The following DGKI variants were observed in gnomAD, a reference collection of about 807,000 sequenced individuals.
DGKI encodes the protein DAG kinase iota.
A neutral mutation model predicts 147.5 loss-of-function variants in DGKI; 55 were observed. The ratio of observed to expected loss-of-function variants is 0.37; its 90% CI spans 0.30 to 0.47. DGKI has a LOEUF of 0.47. DGKI is among the 20% of genes least tolerant of loss of function. DGKI has a pLI of 1.00. For missense variants in DGKI, 1,007 were observed against 1,323.8 expected, an observed-to-expected ratio of 0.76 and a Z score of 3.71; for synonymous variants, 469 against 477.1, an observed-to-expected ratio of 0.98 and a Z score of 0.22.
intron 1 of DGKI, among the ~76,000 whole-genome samples, chr7:137,733,446 T>C (rs1026572209): frequency 6.6e-6 from 1 of 152,134 alleles, no homozygotes; most frequent in Non-Finnish European, 1.5e-5. Context: ...GGCCAAATAG[T>C]ATTCCATTGT....
intron 31 of DGKI, among the ~76,000 whole-genome samples, chr7:137,396,676 C>T (rs1388347018): frequency 6.6e-6 from 1 of 152,198 alleles, no homozygotes; most frequent in African/African-American, 2.4e-5. Context: ...CTTAGCTACT[C>T]ACCACCTCAT....
intron 2 of DGKI, among the ~76,000 whole-genome samples, chr7:137,682,104 A>T (rs1414492823): frequency 2.6e-5 from 4 of 152,068 alleles, no homozygotes; most frequent in Admixed American, 6.5e-5. Context: ...GCTTTCAGGG[A>T]GTTCTATGAG....
At chr7:137,453,923 TG>T (rs1214797167) in intron 27 of DGKI, among the ~76,000 whole-genome samples, 13 of 141,082 alleles carry the variant, frequency 9.2e-5, no homozygotes, top group Admixed American at 4.3e-4. Flanking sequence ...TGAAATATCT[TG>T]TTTTTTTTTT....
chr7:137,740,352 G>A (rs185044957), intron 1 of DGKI, among the ~76,000 whole-genome samples: 126 of 152,260 alleles, frequency 8.3e-4, no homozygotes, highest in African/African-American at 2.9e-3. Context: ...CAGATGTTTG[G>A]TGTGAGGAAT....
intron 23 of DGKI, among the ~76,000 whole-genome samples, 179 bp downstream of exon 23, chr7:137,485,195 C>A (rs1425417543): frequency 6.6e-6 from 1 of 152,014 alleles, no homozygotes; most frequent in Non-Finnish European, 1.5e-5. Context: ...TTGTGCTAGA[C>A]TAGGCTGGTC....
chr7:137,830,349 A>T (rs925076521), intron 1 of DGKI, among the ~76,000 whole-genome samples: 1 of 152,194 alleles, frequency 6.6e-6, no homozygotes, highest in Non-Finnish European at 1.5e-5. Flanking sequence ...GCAGATGGGG[A>T]CAGAAACCCA....
chr7:137,487,739 T>C (rs1203844370), intron 21 of DGKI, 50 bp from the exon 22 acceptor site: 1 of 1,518,666 alleles, frequency 6.6e-7, no homozygotes, highest in African/African-American at 1.4e-5. Flanking sequence ...TTGATTTTTC[T>C]ATATCAGCAT....
In DGKI at chr7:137,708,522, A is replaced by C. The variant is rs953240897; in HGVS notation, c.402-18520T>G. Among the ~76,000 whole-genome samples the C allele has an allele frequency of 2.6e-5, 4 of 152,254 alleles. No homozygotes were observed. In the East Asian group the frequency reaches 7.7e-4, roughly 29 times the overall value. On this transcript the variant is annotated intron_variant, in intron 1 of 32. Coordinates refer to ENST00000614521, the MANE Select transcript of DGKI (RefSeq NM_001321708.2). ...GGAACTTGGTTGTAATTCTAAGATA[A>C]CAGGAAACATCCGATTCAATAAATA...
chr7:137,398,855 T>TA (rs1485638248), intron 30 of DGKI, among the ~76,000 whole-genome samples: 1 of 151,966 alleles, frequency 6.6e-6, no homozygotes, highest in East Asian at 1.9e-4. Flanking sequence ...CAGAAGTAGT[T>TA]ACCAAGAAAG....
chr7:137,632,275 T>C (rs73461023), intron 6 of DGKI, among the ~76,000 whole-genome samples: 7,130 of 152,268 alleles, frequency 0.047, 533 homozygotes, highest in African/African-American at 0.15. Context: ...TAAAAAGTCA[T>C]AATCTTTTGC....
At chr7:137,522,584 T>C (rs776011139) in intron 20 of DGKI, among the ~76,000 whole-genome samples, 10 of 152,098 alleles carry the variant, frequency 6.6e-5, no homozygotes, top group Non-Finnish European at 1.2e-4. Flanking sequence ...CAGTGTCCTT[T>C]CTTTAGGAAG....
At chr7:137,652,796 T>C (rs1270288717) in intron 5 of DGKI, among the ~76,000 whole-genome samples, 1 of 152,212 alleles carries the variant, frequency 6.6e-6, no homozygotes, top group African/African-American at 2.4e-5. Context: ...CATATTCATG[T>C]TGTCTTTTTT....
At chr7:137,522,863 C>G (rs1400860584) in intron 20 of DGKI, among the ~76,000 whole-genome samples, 1 of 152,106 alleles carries the variant, frequency 6.6e-6, no homozygotes, top group Non-Finnish European at 1.5e-5. Flanking sequence ...ACCTACTTGT[C>G]TTTCAATACG....
At chr7:137,579,992 C>T (rs1284070584) in intron 15 of DGKI, among the ~76,000 whole-genome samples, 4 of 152,266 alleles carry the variant, frequency 2.6e-5, no homozygotes, top group African/African-American at 4.8e-5. Flanking sequence ...CTCCCTGCTC[C>T]CTTCTCACTC....
chr7:137,636,906 G>A (rs1037080229), intron 6 of DGKI, among the ~76,000 whole-genome samples: 2 of 152,148 alleles, frequency 1.3e-5, no homozygotes, highest in Non-Finnish European at 2.9e-5. Flanking sequence ...CCTGCACCAC[G>A]AGCAGAAGTT....
intron 21 of DGKI, among the ~76,000 whole-genome samples, chr7:137,488,894 T>C (rs1238049471): frequency 2.0e-5 from 3 of 152,138 alleles, no homozygotes; most frequent in Admixed American, 2.0e-4. Flanking sequence ...TTGAAAACTA[T>C]AGGAAAGAGG....
rs553796539 is a variant in DGKI, at chr7:137,826,708, G to A, written c.401+19754C>T. On this transcript the variant is annotated intron_variant, in intron 1 of 32. Coordinates refer to ENST00000614521, the MANE Select transcript of DGKI (RefSeq NM_001321708.2). ...TTTTTAAAGTCCAGTGATGTGATCT[G>A]GCAGGGGGAAGGGGGCGGCGGGGGC... 6.6e-5 allele frequency among the ~76,000 whole-genome samples: 10 copies of A among 152,240 alleles called. No individual in the cohort carries two copies. The East Asian group carries it at 1.2e-3, about 18-fold the overall frequency.
rs148676973 is a variant in DGKI at position 137,637,622 on chromosome 7, G to C, written c.804+7850C>G. The stretch of plus-strand genomic sequence containing the variant: ...GTGGATGTACTTTTGGATTAATCCT[G>C]CCCTATAGGGAGTGAAAGCTCCAAT... On this transcript the variant is annotated intron_variant, in intron 6 of 32. Transcript: ENST00000614521. Among the ~76,000 whole-genome samples the C allele has an allele frequency of 4.5e-4, 68 of 152,304 alleles. No individual in the cohort carries two copies. In the East Asian group the frequency reaches 0.012, roughly 26 times the overall value.
At chr7:137,587,670 T>C (rs1220455549) in intron 12 of DGKI, among the ~76,000 whole-genome samples, 6 of 152,214 alleles carry the variant, frequency 3.9e-5, no homozygotes, top group African/African-American at 1.2e-4. Context: ...CCTCACACGA[T>C]TGTTTACTAA....
Sources: gnomAD v4.1 joint callset for allele counts (sites outside exome capture counted in the v4.1 genomes callset) on GRCh38, gnomAD v4.1.1 for gene constraint, MANE v1.5 for transcripts, NCBI Gene and HGNC (gene_info 2026-07-23, HGNC 2026-07-21) for gene names.